Variants in ERBB4 observed in about 807,000 individuals in gnomAD.
The protein encoded by ERBB4 is erb-b2 receptor tyrosine kinase 4, also known as receptor tyrosine-protein kinase erbB-4.
A neutral mutation model predicts 158.0 loss-of-function variants in ERBB4; 42 were observed. The observed-to-expected ratio is 0.27, with a 90% CI of 0.21 to 0.34. The LOEUF (loss-of-function observed/expected upper bound fraction) is 0.34, where lower values mean the gene tolerates loss of function less well. Ranked by LOEUF, ERBB4 falls within the 10% of genes least tolerant of loss-of-function variation. ERBB4 has a pLI of 1.00. For missense variants in ERBB4, 1,333 were observed against 1,624.1 expected, an observed-to-expected ratio of 0.82 and a Z score of 3.08; for synonymous variants, 583 against 558.7, an observed-to-expected ratio of 1.04 and a Z score of -0.61.
chr2:211,712,290 A>G (rs2073730384), intron 8 of ERBB4, 114 bp from the exon 9 acceptor site: 3 of 1,042,142 alleles, frequency 2.9e-6, no homozygotes, highest in East Asian at 5.3e-5. Context: ...TATAAAATAT[A>G]TTACAAATTT....
chr2:212,003,111 A>AGG (rs1559291972), intron 2 of ERBB4, among the ~76,000 whole-genome samples: 42 of 38,326 alleles, frequency 1.1e-3, no homozygotes, highest in African/African-American at 1.7e-3. Context: ...GAAAGAAAGA[A>AGG]AGAAGGAAGG....
At chr2:212,346,459 A>G (rs2089004967) in intron 1 of ERBB4, among the ~76,000 whole-genome samples, 1 of 152,052 alleles carries the variant, frequency 6.6e-6, no homozygotes, top group Middle Eastern at 3.2e-3. Flanking sequence ...ATTCACACTA[A>G]ACTTTGCTAT....
chr2:212,170,526 T>C (rs556691080), intron 1 of ERBB4, among the ~76,000 whole-genome samples: 1 of 152,262 alleles, frequency 6.6e-6, no homozygotes, highest in Non-Finnish European at 1.5e-5. Context: ...CTCCAGGGCA[T>C]TTCAGAGATG....
At chr2:212,104,573 A>G (rs1035012989) in intron 2 of ERBB4, among the ~76,000 whole-genome samples, 21 of 152,114 alleles carry the variant, frequency 1.4e-4, no homozygotes, top group African/African-American at 5.1e-4. Flanking sequence ...TACCATTAAT[A>G]TACTCATTTT....
intron 5 of ERBB4, among the ~76,000 whole-genome samples, chr2:211,737,629 G>A (rs1248027062): frequency 2.0e-5 from 3 of 151,922 alleles, no homozygotes; most frequent in African/African-American, 7.3e-5. Context: ...TGTGATTTAG[G>A]TTTTCATCTA....
intron 2 of ERBB4, among the ~76,000 whole-genome samples, chr2:212,110,969 C>G (rs12328890): frequency 0.011 from 1,671 of 152,316 alleles, 24 homozygotes; most frequent in African/African-American, 0.038. Context: ...GCCTACCTGA[C>G]ACTTGAATGA....
At chr2:211,923,973 C>T (rs770024520) in intron 3 of ERBB4, among the ~76,000 whole-genome samples, 7 of 152,068 alleles carry the variant, frequency 4.6e-5, no homozygotes, top group Non-Finnish European at 5.9e-5. Context: ...CGACTCACCT[C>T]GGCCTCCCAA....
chr2:211,642,507 T>C (rs1426829849), intron 16 of ERBB4, among the ~76,000 whole-genome samples: 2 of 152,082 alleles, frequency 1.3e-5, no homozygotes, highest in East Asian at 3.9e-4. Flanking sequence ...TTCCTACTTA[T>C]GCCCTAGACA....
At chr2:212,497,642 G>A (rs1013686128) in intron 1 of ERBB4, among the ~76,000 whole-genome samples, 2 of 152,018 alleles carry the variant, frequency 1.3e-5, no homozygotes, top group Non-Finnish European at 2.9e-5. Context: ...TTCCAGTTTC[G>A]TTTCATGAAG....
At chr2:211,853,344 T>G (rs566183456) in intron 3 of ERBB4, among the ~76,000 whole-genome samples, 1 of 152,150 alleles carries the variant, frequency 6.6e-6, no homozygotes, top group South Asian at 2.1e-4. Flanking sequence ...TCTCTATGCA[T>G]TTTAGGTCAA....
At chr2:211,687,954 G>C (rs10932392) in intron 12 of ERBB4, among the ~76,000 whole-genome samples, 60,451 of 151,954 alleles carry the variant, frequency 0.4, 13,542 homozygotes, top group East Asian at 0.9. Context: ...TTTATTACAG[G>C]CTGTTTTCAA....
At chr2:212,531,298 G>A (rs1337511808) in intron 1 of ERBB4, among the ~76,000 whole-genome samples, 1 of 152,080 alleles carries the variant, frequency 6.6e-6, no homozygotes, top group Non-Finnish European at 1.5e-5. Flanking sequence ...TACAACCAGA[G>A]AGCATTAAGT....
chr2:212,387,778 G>A (rs1244963241), intron 1 of ERBB4, among the ~76,000 whole-genome samples: 2 of 152,070 alleles, frequency 1.3e-5, no homozygotes, highest in Non-Finnish European at 2.9e-5. Context: ...ATTTCTGTGA[G>A]AGAATTAAGT....
At chr2:212,233,182 A>T (rs1006130461) in intron 1 of ERBB4, among the ~76,000 whole-genome samples, 29 of 152,138 alleles carry the variant, frequency 1.9e-4, no homozygotes, top group Non-Finnish European at 2.9e-4. Flanking sequence ...ACCATGCTTT[A>T]CACCTGTAGA....
chr2:212,341,932 T>C (rs992930005), intron 1 of ERBB4, among the ~76,000 whole-genome samples: 1 of 152,088 alleles, frequency 6.6e-6, no homozygotes, highest in Admixed American at 6.6e-5. Context: ...TTTTTAGAAA[T>C]AATATGTTGA....
intron 16 of ERBB4, among the ~76,000 whole-genome samples, chr2:211,634,378 C>G (rs993431047): frequency 3.3e-5 from 5 of 151,840 alleles, no homozygotes; most frequent in African/African-American, 1.2e-4. Context: ...TATTATGTTT[C>G]TTACAGTTAA....
intron 1 of ERBB4, among the ~76,000 whole-genome samples, chr2:212,225,502 T>C (rs1368919987): frequency 1.7e-5 from 2 of 116,558 alleles, no homozygotes; most frequent in Non-Finnish European, 3.7e-5. Flanking sequence ...GTTTGAATCA[T>C]TTTATTGTCA....
At chr2:211,635,891 T>C (rs2070339564) in intron 16 of ERBB4, among the ~76,000 whole-genome samples, 1 of 152,074 alleles carries the variant, frequency 6.6e-6, no homozygotes, top group Non-Finnish European at 1.5e-5. Flanking sequence ...AGAATAATTT[T>C]CAACTAAAGA....
chr2:212,337,033 G>A (rs1327744156), intron 1 of ERBB4, among the ~76,000 whole-genome samples: 1 of 152,046 alleles, frequency 6.6e-6, no homozygotes, highest in Non-Finnish European at 1.5e-5. Context: ...AATTCCATCA[G>A]TTTCTTAAGA....
Sources: gnomAD v4.1 joint callset for allele counts (sites outside exome capture counted in the v4.1 genomes callset) on GRCh38, gnomAD v4.1.1 for gene constraint, MANE v1.5 for transcripts, NCBI Gene and HGNC (gene_info 2026-07-23, HGNC 2026-07-21) for gene names.